Variants in IL1RN observed in about 807,000 individuals in gnomAD.
The protein encoded by IL1RN is interleukin-1 receptor antagonist protein.
IL1RN carries 10 observed loss-of-function variants against 13.7 expected under a neutral mutation model. The ratio of observed to expected loss-of-function variants is 0.73; its 90% confidence interval spans 0.45 to 1.24. The LOEUF (loss-of-function observed/expected upper bound fraction) is 1.24, where lower values mean the gene tolerates loss of function less well. Ranked by LOEUF, IL1RN falls within the 50% of genes most tolerant of loss-of-function variation. The pLI, the probability that IL1RN is intolerant of heterozygous loss-of-function variation, is 0.00. For missense variants in IL1RN, 213 were observed against 222.1 expected (o/e 0.96, Z 0.26); for synonymous variants, 102 against 82.7 (o/e 1.23, Z -1.27).
intron 1 of IL1RN, among the ~76,000 whole-genome samples, chr2:113,118,358 G>A (rs180674357): frequency 1.6e-3 from 242 of 152,320 alleles, no homozygotes; most frequent in African/African-American, 5.6e-3. Context: ...TGGTGAAATA[G>A]CCCTGTTAAA....
chr2:113,110,796 A>G (rs1201015798), upstream of IL1RN, among the ~76,000 whole-genome samples: 5 of 152,238 alleles, frequency 3.3e-5, no homozygotes, highest in East Asian at 9.6e-4. Context: ...AACAAATGTT[A>G]ACTCCTTTCT....
rs139856782 is a variant in IL1RN at position 113,127,738 on chromosome 2, C to T, written c.114C>T (p.Phe38=). Reference sequence around the variant, plus strand: ...GAAAATCCAGCAAGATGCAAGCCTTCAGGTAAGGCTACCCCAAGGAGGAGA... The same window carrying T: ...GAAAATCCAGCAAGATGCAAGCCTTTAGGTAAGGCTACCCCAAGGAGGAGA... ...SGRKSSKMQA[F]RIWDVNQKTF... The change falls in exon 1 of 4, where the codon TTC becomes TTT. Residue 38 remains phenylalanine (F), a splice_region_variant and synonymous_variant. Coordinates refer to ENST00000409930, the MANE Select transcript of IL1RN (RefSeq NM_173842.3). 32 of 1,613,628 alleles carry T rather than the reference C, an allele frequency of 2.0e-5. No homozygotes were observed. Among genetic ancestry groups the T allele is most frequent in the Non-Finnish European group, 2.7e-5 (32 of 1,179,852 alleles).
At chr2:113,127,437 T>C (rs1309257743), upstream of IL1RN, 2 of 1,388,704 alleles carry the variant, frequency 1.4e-6, no homozygotes, top group African/African-American at 1.5e-5. Flanking sequence ...CAACACTCCA[T>C]TGCGACACTT....
chr2:113,106,174 G>A (rs1247474767), upstream of IL1RN, among the ~76,000 whole-genome samples: 2 of 152,150 alleles, frequency 1.3e-5, no homozygotes, highest in African/African-American at 4.8e-5. Context: ...CTGGAATTTA[G>A]TATTTTTCTT....
chr2:113,121,141 G>T (rs77473202), intron 2 of IL1RN, among the ~76,000 whole-genome samples: 2 of 147,546 alleles, frequency 1.4e-5, no homozygotes, highest in African/African-American at 5.1e-5. Context: ...CTTCTTCATC[G>T]TCTTCGTCTT....
chr2:113,129,894 G>A, intron 2 of IL1RN: 1 of 525,762 alleles, frequency 1.9e-6, no homozygotes, highest in Non-Finnish European at 3.5e-6. Context: ...AGTGCCTATA[G>A]GCACAGTGGT....
At chr2:113,119,819 C>A (rs1016579967) in intron 1 of IL1RN, among the ~76,000 whole-genome samples, 2 of 152,118 alleles carry the variant, frequency 1.3e-5, no homozygotes, top group African/African-American at 4.8e-5. Flanking sequence ...GGTAGAGGAA[C>A]CACATTCTCC....
At chr2:113,101,431 A>T in the IL1RN span, among the ~76,000 whole-genome samples, 1 of 152,208 alleles carries the variant, frequency 6.6e-6, no homozygotes, top group South Asian at 2.1e-4. Context: ...TTGGGAAAAC[A>T]ACTTATAATT....
chr2:113,130,948 T>C, intron 2 of IL1RN, 97 bp from the exon 3 acceptor site: 1 of 805,258 alleles, frequency 1.2e-6, no homozygotes, highest in South Asian at 1.4e-5. Context: ...GATTTTAGTT[T>C]TGTGGGGACC....
At chr2:113,100,105 A>G in the IL1RN span, among the ~76,000 whole-genome samples, 130,615 of 143,796 alleles carry the variant, frequency 0.91, 59,802 homozygotes, top group African/African-American at 0.94. Flanking sequence ...GGCAGATCAC[A>G]AGGTCAGGAG....
chr2:113,118,616 A>C (rs1686663670), intron 1 of IL1RN, among the ~76,000 whole-genome samples: 1 of 152,226 alleles, frequency 6.6e-6, no homozygotes, highest in Admixed American at 6.5e-5. Context: ...ACAATAAAGC[A>C]AGCAGATAAA....
chr2:113,121,248 GTTC>G (rs1450854647), intron 2 of IL1RN, among the ~76,000 whole-genome samples: 1 of 152,194 alleles, frequency 6.6e-6, no homozygotes, highest in African/African-American at 2.4e-5. Flanking sequence ...TGAACCTTGA[GTTC>G]TTCTATAAAG....
chr2:113,131,425 C>T (rs4252018), intron 3 of IL1RN, among the ~76,000 whole-genome samples: 29 of 152,238 alleles, frequency 1.9e-4, no homozygotes, highest in African/African-American at 6.0e-4. Flanking sequence ...TACAGCATGG[C>T]GGCTGACTTC....
chr2:113,108,253 T>C (rs1686417034), upstream of IL1RN, among the ~76,000 whole-genome samples: 1 of 151,982 alleles, frequency 6.6e-6, no homozygotes, highest in African/African-American at 2.4e-5. Flanking sequence ...TGGGGGGGGT[T>C]ATAAATTTTT....
chr2:113,128,458 C>T (rs575119183), intron 1 of IL1RN, among the ~76,000 whole-genome samples: 3 of 152,088 alleles, frequency 2.0e-5, no homozygotes, highest in Admixed American at 6.5e-5. Flanking sequence ...TTGTCTGGGC[C>T]GAGGCTGCAA....
In IL1RN at chr2:113,133,369, C is replaced by T. The variant is rs188374959; in HGVS notation, c.*498C>T. The T allele has an allele frequency of 1.8e-5, 3 of 170,880 alleles. No homozygotes were observed. In the South Asian group the frequency reaches 4.1e-4, roughly 23 times the overall value. The allele number at this position is 170,880 out of a possible 1,614,324, so 10.6% of individuals were successfully genotyped here. A position where few individuals can be genotyped will look rare whatever the true frequency, so the allele number is the denominator to read the frequency against. ...TTCATGATTTTTTTTTTTCAGTCCC[C>T]GTGAAGGAGAGCCCTTCATTTGGAG... On this transcript the variant is annotated 3_prime_UTR_variant, in exon 4 of 4. Coordinates refer to ENST00000409930, the MANE Select transcript of IL1RN (RefSeq NM_173842.3).
At chr2:113,113,514 C>T (rs546737999), upstream of IL1RN, among the ~76,000 whole-genome samples, 11 of 152,062 alleles carry the variant, frequency 7.2e-5, no homozygotes, top group South Asian at 1.2e-3. Context: ...TCACATAGTA[C>T]CTATAAGTAA....
At chr2:113,131,466 C>T (rs1171591532) in intron 3 of IL1RN, among the ~76,000 whole-genome samples, 1 of 152,146 alleles carries the variant, frequency 6.6e-6, no homozygotes, top group East Asian at 1.9e-4. Flanking sequence ...AGAGCCTCAA[C>T]ATGCAGGCGC....
chr2:113,114,458 G>T (rs147201942), upstream of IL1RN, among the ~76,000 whole-genome samples: 1 of 152,162 alleles, frequency 6.6e-6, no homozygotes, highest in Non-Finnish European at 1.5e-5. Context: ...AGGTACATGT[G>T]TAATCAGCTG....
Sources: allele counts gnomAD v4.1 joint callset (sites outside exome capture counted in the v4.1 genomes callset), GRCh38; gene constraint gnomAD v4.1.1; transcripts MANE v1.5; gene names NCBI Gene and HGNC (gene_info 2026-07-23, HGNC 2026-07-21).